MYH10: variants seen among roughly 807,000 people sequenced by gnomAD.
MYH10 encodes myosin heavy chain 10.
A neutral mutation model predicts 257.8 loss-of-function variants in MYH10; 55 were observed. The ratio of observed to expected loss-of-function variants is 0.21; its 90% CI spans 0.17 to 0.27. MYH10 has a LOEUF of 0.27. Among genes scored for constraint, MYH10 ranks in the 10% least tolerant of loss-of-function variants. The pLI, the probability that MYH10 is intolerant of heterozygous loss-of-function variation, is 1.00. For synonymous variants in MYH10, 854 were observed against 921.7 expected, an observed-to-expected ratio of 0.93 and a Z score of 1.33; for missense variants, 1,631 against 2,500.6, an observed-to-expected ratio of 0.65 and a Z score of 7.42.
chr17:8,605,049 G>A, intron 2 of MYH10, 67 bp from the exon 3 acceptor site: 1 of 825,570 alleles, frequency 1.2e-6, no homozygotes, highest in Non-Finnish European at 1.7e-6. Flanking sequence ...GGTCCAATCA[G>A]GAGACAGAAA....
chr17:8,531,698 C>A (rs1201158069), intron 16 of MYH10, among the ~76,000 whole-genome samples: 1 of 152,002 alleles, frequency 6.6e-6, no homozygotes, highest in African/African-American at 2.4e-5. Context: ...GCCATAAACT[C>A]TATTTTAACA....
At chr17:8,595,618 G>C (rs1458738436) in intron 3 of MYH10, among the ~76,000 whole-genome samples, 3 of 151,886 alleles carry the variant, frequency 2.0e-5, no homozygotes. Context: ...TTTTAGTAGA[G>C]ACAGTTTTCT....
chr17:8,520,698 C>T (rs2081624331), intron 19 of MYH10, among the ~76,000 whole-genome samples, 180 bp downstream of exon 19: 1 of 152,098 alleles, frequency 6.6e-6, no homozygotes, highest in Admixed American at 6.6e-5. Context: ...ACTCAATCTT[C>T]CTACCAATAA....
chr17:8,512,793 CA>C, intron 23 of MYH10, 136 bp from the exon 24 acceptor site: 1 of 707,610 alleles, frequency 1.4e-6, no homozygotes, highest in Non-Finnish European at 2.2e-6. Context: ...GAAGAACTTT[CA>C]AATACGTTTT....
At chr17:8,495,715 G>GTT (rs548216691) in intron 30 of MYH10, among the ~76,000 whole-genome samples, 33 of 144,566 alleles carry the variant, frequency 2.3e-4, no homozygotes, top group East Asian at 6.0e-4. Flanking sequence ...GTACAAGAAA[G>GTT]TTTTTTTTTT....
chr17:8,502,885 G>A lies in MYH10; in HGVS notation c.3599+1809C>T, dbSNP rs561824062. Among the ~76,000 whole-genome samples, 10 of 152,326 alleles carry A rather than the reference G, an allele frequency of 6.6e-5. No individual in the cohort carries two copies. The East Asian group carries it at 1.5e-3, about 23-fold the overall frequency. ...TGCAGTCAAAAGCCCAGCTGGGAGT[G>A]GAGAGTTCAGCCAAGTCTAGTTCAG... On this transcript the variant is annotated intron_variant, in intron 28 of 42. Transcript: ENST00000360416.
chr17:8,611,615 A>G (rs995403157), intron 2 of MYH10, among the ~76,000 whole-genome samples: 1 of 152,252 alleles, frequency 6.6e-6, no homozygotes, highest in African/African-American at 2.4e-5. Flanking sequence ...AGTAACTACA[A>G]TTAAGAATTC....
chr17:8,618,997 T>C (rs952361534), intron 2 of MYH10, among the ~76,000 whole-genome samples: 3 of 151,960 alleles, frequency 2.0e-5, no homozygotes, highest in Admixed American at 2.0e-4. Flanking sequence ...TGAGTAACCA[T>C]AGTTTATCAG....
intron 2 of MYH10, among the ~76,000 whole-genome samples, chr17:8,614,800 T>C (rs1241644936): frequency 6.6e-6 from 1 of 152,212 alleles, no homozygotes; most frequent in Non-Finnish European, 1.5e-5. Flanking sequence ...AGTCTATTAT[T>C]TGCAAAGAAT....
chr17:8,491,810 CTG>C (rs1915817739), intron 34 of MYH10, among the ~76,000 whole-genome samples: 1 of 152,170 alleles, frequency 6.6e-6, no homozygotes. Flanking sequence ...GAAAGAAAAA[CTG>C]TGCCACAGAA....
intron 2 of MYH10, among the ~76,000 whole-genome samples, chr17:8,618,986 G>C (rs753682522): frequency 6.6e-6 from 1 of 152,166 alleles, no homozygotes; most frequent in Non-Finnish European, 1.5e-5. Context: ...ATACCTCTGT[G>C]TGAGTAACCA....
At position 8,569,908 on chromosome 17, in the gene MYH10, T is replaced by G. The variant is rs576553646; in HGVS notation, c.664-96A>C. 3.4e-6 allele frequency: 3 copies of G among 871,408 alleles called. No individual in the cohort carries two copies. In the South Asian group the frequency reaches 5.9e-5, roughly 17 times the overall value. 54.0% of individuals were successfully genotyped at this position (871,408 alleles called of 1,614,324 possible). Reference sequence around the variant, plus strand: ...GGGGAAAAATTTCTAAAAAAGAAACTGCATCTTTTCCTCAGTTCTTTCATT... The same window carrying G: ...GGGGAAAAATTTCTAAAAAAGAAACGGCATCTTTTCCTCAGTTCTTTCATT... On this transcript the variant is annotated intron_variant, in intron 6 of 42. Transcript: ENST00000360416. This position sits in a 1 kb window ranked among gnomAD's most constrained non-coding sequence, Gnocchi z 4.1.
At position 8,515,592 on chromosome 17, in the gene MYH10, G is replaced by T. The variant is rs892478347; in HGVS notation, c.2505-1698C>A. Among the ~76,000 whole-genome samples, 5 of 132,846 alleles carry T rather than the reference G, an allele frequency of 3.8e-5. No individual in the cohort carries two copies. The Admixed American group carries it at 4.6e-4, about 12-fold the overall frequency. The allele number at this position is 132,846 out of a possible 152,430, so 87.2% of individuals were successfully genotyped here. A position where few individuals can be genotyped will look rare whatever the true frequency, so the allele number is the denominator to read the frequency against. On this transcript the variant is annotated intron_variant, in intron 21 of 42. Coordinates refer to ENST00000360416, the MANE Select transcript of MYH10 (RefSeq NM_001256012.3). ...GAGTCTTGCTCTGTCGCCCAGGCTG[G>T]AGTGCAGTGGTGCAATCTTGGCTCA...
At chr17:8,515,268 C>A (rs1045093795) in intron 21 of MYH10, among the ~76,000 whole-genome samples, 10 of 152,126 alleles carry the variant, frequency 6.6e-5, no homozygotes, top group Admixed American at 3.3e-4. Flanking sequence ...ATAAGAAAAA[C>A]ATTTTGAATT....
rs571481188 is a variant in MYH10, at chr17:8,486,349, TTAAA to T, written c.5046+1080_5046+1083del. ...TGTGAACTATATTTCAATAAAGCTG[TTAAA>T]TAAAATCACAGTATTATAGTTTATA... is the stretch of plus-strand genomic sequence containing the variant. On this transcript the variant is annotated intron_variant, in intron 36 of 42. Coordinates refer to ENST00000360416, the MANE Select transcript of MYH10 (RefSeq NM_001256012.3). 9.1e-4 allele frequency among the ~76,000 whole-genome samples: 139 copies of T among 152,256 alleles called. 1 individual carries two copies. The highest frequency in any genetic ancestry group is 3.2e-3 in the African/African-American group (133 of 41,528).
chr17:8,602,045 G>A (rs1039991928), intron 3 of MYH10, among the ~76,000 whole-genome samples: 3 of 148,048 alleles, frequency 2.0e-5, no homozygotes, highest in African/African-American at 5.0e-5. Context: ...TCACGATCTC[G>A]GCTCACTGCA....
chr17:8,507,709 C>T (rs2081118166), intron 26 of MYH10, among the ~76,000 whole-genome samples: 1 of 152,234 alleles, frequency 6.6e-6, no homozygotes, highest in Non-Finnish European at 1.5e-5. Context: ...CCATGGCTCA[C>T]GCCTGTAATC....
At chr17:8,582,301 T>C (rs1221582390) in intron 4 of MYH10, among the ~76,000 whole-genome samples, 2 of 152,098 alleles carry the variant, frequency 1.3e-5, no homozygotes, top group African/African-American at 4.8e-5. Flanking sequence ...CTAAGAAAAT[T>C]AGGAGACTCC....
intron 3 of MYH10, among the ~76,000 whole-genome samples, chr17:8,590,475 G>A (rs922108644): frequency 6.6e-6 from 1 of 151,950 alleles, no homozygotes; most frequent in Non-Finnish European, 1.5e-5. Context: ...ACCATGCCCG[G>A]CTAATTTTTG....
Sources: gnomAD v4.1 joint callset for allele counts (sites outside exome capture counted in the v4.1 genomes callset) on GRCh38, gnomAD v4.1.1 for gene constraint, Gnocchi (gnomAD v3.1) non-coding constraint, MANE v1.5 for transcripts, NCBI Gene and HGNC (gene_info 2026-07-23, HGNC 2026-07-21) for gene names.